GLP2R: variants seen among roughly 807,000 people sequenced by gnomAD.
The protein encoded by GLP2R is glucagon like peptide 2 receptor, also known as glucagon-like peptide 2 receptor.
In GLP2R, 59 loss-of-function variants were observed where a neutral mutation model predicts 68.2. The observed-to-expected ratio is 0.87, with a 90% CI of 0.70 to 1.07. The LOEUF (loss-of-function observed/expected upper bound fraction) is 1.07, where lower values mean the gene tolerates loss of function less well. Ranked by LOEUF, GLP2R falls within the 50% of genes least tolerant of loss-of-function variation. The pLI is 0.00. For synonymous variants in GLP2R, 270 were observed against 265.4 expected (o/e 1.02, Z -0.17); for missense variants, 548 against 677.4 (o/e 0.81, Z 2.12).
intron 5 of GLP2R, 40 bp from the exon 6 acceptor site, chr17:9,857,383 T>C: frequency 6.2e-7 from 1 of 1,606,622 alleles, no homozygotes; most frequent in South Asian, 1.1e-5. Context: ...TTGGAGCCAT[T>C]CTTTCCTGAG....
rs1555571772 is a variant in GLP2R at position 9,859,636 on chromosome 17, A to AAATATAT, written c.766-305_766-304insATATATA. Among the ~76,000 whole-genome samples the AAATATAT allele has an allele frequency of 3.1e-3, 447 of 143,094 alleles. 3 individuals carry two copies. The highest frequency in any genetic ancestry group is 0.011 in the African/African-American group (417 of 39,060). 93.9% of individuals were successfully genotyped at this position (143,094 alleles called of 152,430 possible). A position where few individuals can be genotyped will look rare whatever the true frequency, so the allele number is the denominator to read the frequency against. On this transcript the variant is annotated intron_variant, in intron 6 of 12. Transcript: ENST00000262441. Reference sequence around the variant, plus strand: ...TGAAACCCTGTGTCTACTAAAAAAAAATATATATATATATATACATACATA... The same window carrying AAATATAT: ...TGAAACCCTGTGTCTACTAAAAAAAAAATATATATATATATATATATATACATACATA...
At chr17:9,830,204 T>C (rs2066668045) in intron 1 of GLP2R, among the ~76,000 whole-genome samples, 3 of 152,236 alleles carry the variant, frequency 2.0e-5, no homozygotes, top group East Asian at 1.9e-4. Flanking sequence ...ACTATGGCCA[T>C]TGGCCATGGC....
chr17:9,873,757 A>G (rs2067119465), intron 10 of GLP2R, among the ~76,000 whole-genome samples: 1 of 151,946 alleles, frequency 6.6e-6, no homozygotes, highest in Non-Finnish European at 1.5e-5. Flanking sequence ...TATTGAAAGA[A>G]CACATGCTAA....
At chr17:9,846,570 G>A (rs902547105) in intron 4 of GLP2R, among the ~76,000 whole-genome samples, 17 of 152,180 alleles carry the variant, frequency 1.1e-4, no homozygotes, top group Non-Finnish European at 2.5e-4. Context: ...AATGAGCTAC[G>A]ATTGTGCCAC....
rs547016672 is a variant in GLP2R, at chr17:9,840,962, CTT to C, written c.383-1529_383-1528del. ...GGGGGCTTCGTGAAAGGCCAGAAGA[CTT>C]TTTCTCAGAAAGCCCTTGGAAGATT... On this transcript the variant is annotated intron_variant, in intron 3 of 12. Transcript: ENST00000262441. Among the ~76,000 whole-genome samples, 54 of 151,138 alleles carry C rather than the reference CTT, an allele frequency of 3.6e-4. 1 individual carries two copies. Among genetic ancestry groups the C allele is most frequent in the Admixed American group, 3.6e-3 (54 of 15,168 alleles).
intron 3 of GLP2R, among the ~76,000 whole-genome samples, chr17:9,839,757 A>G (rs1423237239): frequency 6.6e-6 from 1 of 151,844 alleles, no homozygotes; most frequent in Non-Finnish European, 1.5e-5. Flanking sequence ...GGTTCCCTGC[A>G]CTCCAGCCCA....
chr17:9,859,624 C>A (rs28600891), intron 6 of GLP2R, among the ~76,000 whole-genome samples: 40,953 of 138,796 alleles, frequency 0.3, 9,415 homozygotes, highest in African/African-American at 0.63. Context: ...AACCCTGTGT[C>A]TACTAAAAAA....
At position 9,891,545 on chromosome 17, in the gene GLP2R, A is replaced by G. The variant is rs950291296; in HGVS notation, c.*1840A>G. The G allele has an allele frequency of 6.6e-6, 1 of 152,174 alleles. No homozygotes were observed. Among genetic ancestry groups the G allele is most frequent in the African/African-American group, 2.4e-5 (1 of 41,454 alleles). The allele number at this position is 152,174 out of a possible 1,614,324, so 9.4% of individuals were successfully genotyped here. ...ACTTTTAATGTGAATTTTTATTTTT[A>G]GACAATTGCATTAAAATGTTATTTA... On this transcript the variant is annotated 3_prime_UTR_variant, in exon 13 of 13. Coordinates refer to ENST00000262441, the MANE Select transcript of GLP2R (RefSeq NM_004246.3).
At chr17:9,842,649 A>C (rs1290031846) in intron 4 of GLP2R, 33 bp downstream of exon 4, 1 of 1,611,248 alleles carries the variant, frequency 6.2e-7, no homozygotes, top group Non-Finnish European at 8.5e-7. Flanking sequence ...GGAGGCATCC[A>C]GGGTCCAAAC....
At chr17:9,835,163 G>A (rs937148623) in intron 2 of GLP2R, among the ~76,000 whole-genome samples, 6 of 151,816 alleles carry the variant, frequency 4.0e-5, no homozygotes, top group African/African-American at 1.5e-4. Flanking sequence ...TGAGTAGCTG[G>A]GATTACAGGC....
intron 10 of GLP2R, among the ~76,000 whole-genome samples, chr17:9,872,605 C>G (rs1425752978): frequency 3.3e-5 from 5 of 152,116 alleles, no homozygotes; most frequent in Admixed American, 3.3e-4. Flanking sequence ...AAACGGTGTA[C>G]ACGATGTAGA....
chr17:9,849,585 T>A (rs1442776077), intron 4 of GLP2R, among the ~76,000 whole-genome samples: 1 of 151,430 alleles, frequency 6.6e-6, no homozygotes, highest in Non-Finnish European at 1.5e-5. Flanking sequence ...CCATCTGGGT[T>A]ATTTCCAATC....
In GLP2R at chr17:9,891,812, T is replaced by G. The variant is rs1050694747; in HGVS notation, c.*2107T>G. ...GTCCCTGCCTCGGCTCATCAGCCAA[T>G]TAGCTCCTAGAAAGCTGGGGTCATC... On this transcript the variant is annotated 3_prime_UTR_variant, in exon 13 of 13. Transcript: ENST00000262441. 2 of 152,192 alleles carry G rather than the reference T, an allele frequency of 1.3e-5. No homozygotes were observed. The highest frequency in any genetic ancestry group is 4.8e-5 in the African/African-American group (2 of 41,438). The allele number at this position is 152,192 out of a possible 1,614,324, so 9.4% of individuals were successfully genotyped here. A position where few individuals can be genotyped will look rare whatever the true frequency, so the allele number is the denominator to read the frequency against.
chr17:9,870,884 C>T (rs753163000), intron 10 of GLP2R, 49 bp downstream of exon 10: 1 of 865,456 alleles, frequency 1.2e-6, no homozygotes, highest in South Asian at 1.4e-5. Context: ...ATTGTAAGTA[C>T]TCTGGCTGTT....
intron 6 of GLP2R, among the ~76,000 whole-genome samples, chr17:9,858,108 T>G (rs531340567): frequency 1.3e-5 from 2 of 152,338 alleles, no homozygotes; most frequent in Admixed American, 6.5e-5. Context: ...GCATAGGTTA[T>G]AGGCAAATAT....
At position 9,872,787 on chromosome 17, in the gene GLP2R, G is replaced by A. The variant is rs146251406; in HGVS notation, c.1145+1952G>A. Among the ~76,000 whole-genome samples the A allele has an allele frequency of 7.5e-3, 1,136 of 152,310 alleles. 52 individuals are homozygous for A. Among genetic ancestry groups the A allele is most frequent in the Admixed American group, 0.067 (1,033 of 15,310 alleles). ...GGTGTGTAAAAATGGGAGTGTCACTGCAGACTCATCTCCTGCTTATTATGA... is the reference window on the plus strand; with the variant it reads ...GGTGTGTAAAAATGGGAGTGTCACTACAGACTCATCTCCTGCTTATTATGA... On this transcript the variant is annotated intron_variant, in intron 10 of 12. Transcript: ENST00000262441.
At position 9,826,258 on chromosome 17, in the gene GLP2R, A is replaced by G; in HGVS notation, c.189+6A>G. On this transcript the variant is annotated splice_donor_region_variant and intron_variant, in intron 1 of 12. Transcript: ENST00000262441. Reference sequence around the variant, plus strand: ...TGCTGGTTTCCATCAAGCAAGTAAGAGCAGTTCATTATTATTATTATTATC... The same window carrying G: ...TGCTGGTTTCCATCAAGCAAGTAAGGGCAGTTCATTATTATTATTATTATC... The G allele has an allele frequency of 1.3e-6, 2 of 1,557,496 alleles. No individual in the cohort carries two copies. The highest frequency in any genetic ancestry group is 1.7e-6 in the Non-Finnish European group (2 of 1,156,602).
rs2067292019 is a variant in GLP2R at position 9,891,703 on chromosome 17, C to G, written c.*1998C>G. ...CAAAGGCATCAGGCAAGTAATGAAG[C>G]AAAGGTTTATTTTTTGGTGTCCAGA... On this transcript the variant is annotated 3_prime_UTR_variant, in exon 13 of 13. Transcript: ENST00000262441. 1 of 152,188 alleles carries G rather than the reference C, an allele frequency of 6.6e-6. No homozygotes were observed. Among genetic ancestry groups the G allele is most frequent in the African/African-American group, 2.4e-5 (1 of 41,432 alleles). The allele number at this position is 152,188 out of a possible 1,614,324, so 9.4% of individuals were successfully genotyped here.
intron 6 of GLP2R, among the ~76,000 whole-genome samples, chr17:9,859,634 AAAAT>A (rs1353770756): frequency 1.0e-5 from 1 of 99,380 alleles, no homozygotes; most frequent in African/African-American, 5.1e-5. Context: ...CTACTAAAAA[AAAAT>A]ATATATATAT....
Sources: gnomAD v4.1 joint callset for allele counts (sites outside exome capture counted in the v4.1 genomes callset) on GRCh38, gnomAD v4.1.1 for gene constraint, MANE v1.5 for transcripts, NCBI Gene and HGNC (gene_info 2026-07-23, HGNC 2026-07-21) for gene names.